HCCS: variants seen among roughly 807,000 people sequenced by gnomAD.
The protein encoded by HCCS is holocytochrome c-type synthase.
In HCCS, 2 loss-of-function variants were observed where a neutral mutation model predicts 24.2. The observed-to-expected ratio is 0.08, with a 90% CI of 0.03 to 0.26. The LOEUF (loss-of-function observed/expected upper bound fraction) is 0.26, where lower values mean the gene tolerates loss of function less well. Ranked by LOEUF, HCCS falls within the 10% of genes least tolerant of loss-of-function variation. HCCS has a pLI of 1.00. For synonymous variants in HCCS, 73 were observed against 76.2 expected (o/e 0.96, Z 0.22); for missense variants, 150 against 213.3 (o/e 0.70, Z 1.85).
At chrX:11,115,542 T>G (rs901334486) in intron 3 of HCCS, among the ~76,000 whole-genome samples, 5 of 111,794 alleles carry the variant, frequency 4.5e-5, no homozygotes, top group Admixed American at 1.9e-4. Flanking sequence ...AACGGGAGGC[T>G]CAGGCATATA....
chrX:11,120,685 A>G (rs1260836264), intron 5 of HCCS, among the ~76,000 whole-genome samples: 1 of 107,191 alleles, frequency 9.3e-6, no homozygotes, highest in East Asian at 2.9e-4. Context: ...TCCAGAAGGA[A>G]GGGGAGGCAA....
Position 11,114,837 on chromosome X carries a change from T to C in HCCS, c.103T>C (p.Cys35Arg), listed in dbSNP as rs773157949. Residue 35 changes from cysteine (C) to arginine (R), a missense_variant and splice_region_variant, in exon 3 of 7, where the codon TGT (cysteine) becomes CGT (arginine). By Grantham distance (180) the Cys-to-Arg change is radical. Around this residue, in one of 2 missense-constraint regions of HCCS, gnomAD observed 95 missense variants for 79.1 expected, o/e 1.20. Coordinates refer to ENST00000380762, the MANE Select transcript of HCCS (RefSeq NM_005333.5). ...CPMHEGKMKGCPVNTEPSGPT... is the reference protein window; with the variant it reads ...CPMHEGKMKGRPVNTEPSGPT... Reference sequence around the variant, plus strand: ...ATTTTTATACTTGATTATTTCAGGCTGTCCAGTGAATACAGAGCCATCTGG... The same window carrying C: ...ATTTTTATACTTGATTATTTCAGGCCGTCCAGTGAATACAGAGCCATCTGG... 2.6e-5 allele frequency: 31 copies of C among 1,207,355 alleles called. 1 individual carries two copies. In the South Asian group the frequency reaches 4.9e-4, roughly 19 times the overall value.
intron 1 of HCCS, 22 bp from the exon 2 acceptor site, chrX:11,111,997 A>G: frequency 1.2e-6 from 1 of 800,966 alleles, no homozygotes; most frequent in Admixed American, 2.2e-5. Context: ...AGAGACATTA[A>G]TCTGTCTCTT....
chrX:11,111,642 A>G, intron 1 of HCCS, 124 bp downstream of exon 1: 1 of 176,157 alleles, frequency 5.7e-6, no homozygotes, highest in Non-Finnish European at 1.1e-5. Context: ...CCCCTCGCTA[A>G]GGCTCTGGGG....
chrX:11,117,981 T>C (rs1187766139), intron 4 of HCCS, among the ~76,000 whole-genome samples: 1 of 111,822 alleles, frequency 8.9e-6, no homozygotes, highest in East Asian at 2.8e-4. Flanking sequence ...CTTAGCCTAC[T>C]GATTAGAATG....
rs1308912204 is a variant in HCCS at position 11,122,108 on chromosome X, C to T, written c.*298C>T. On this transcript the variant is annotated 3_prime_UTR_variant, in exon 7 of 7. Coordinates refer to ENST00000380762, the MANE Select transcript of HCCS (RefSeq NM_005333.5). ...TTTCATCTCGAAAAGCCTGAACAAC[C>T]TCTGAAAAAGAGCTTTTAAAAAGTG... The T allele has an allele frequency of 1.2e-5, 3 of 258,597 alleles. No homozygotes were observed. Among genetic ancestry groups the T allele is most frequent in the Admixed American group, 6.1e-5 (1 of 16,272 alleles). The allele number at this position is 258,597 out of a possible 1,213,427, so 21.3% of individuals were successfully genotyped here.
intron 6 of HCCS, 125 bp downstream of exon 6, chrX:11,121,118 A>T: frequency 1.7e-6 from 1 of 577,278 alleles, no homozygotes; most frequent in African/African-American, 2.2e-5. Context: ...TCAACTGTAG[A>T]TGTCTTTCTC....
At chrX:11,118,764 C>A in intron 5 of HCCS, 144 bp downstream of exon 5, 1 of 631,700 alleles carries the variant, frequency 1.6e-6, no homozygotes. Flanking sequence ...GCATGACAGG[C>A]CACCCTTCTT....
At chrX:11,120,094 T>A (rs2045479760) in intron 5 of HCCS, 1 of 275,897 alleles carries the variant, frequency 3.6e-6, no homozygotes, top group African/African-American at 2.8e-5. Flanking sequence ...AGAAGTCCTT[T>A]ATACTTTGGA....
chrX:11,122,106 A>G lies in HCCS; in HGVS notation c.*296A>G. 2 of 257,035 alleles carry G rather than the reference A, an allele frequency of 7.8e-6. No homozygotes were observed. The highest frequency in any genetic ancestry group is 1.4e-5 in the Non-Finnish European group (2 of 145,502). 21.2% of individuals were successfully genotyped at this position (257,035 alleles called of 1,213,427 possible). On this transcript the variant is annotated 3_prime_UTR_variant, in exon 7 of 7. Coordinates refer to ENST00000380762, the MANE Select transcript of HCCS (RefSeq NM_005333.5). ...TATTTCATCTCGAAAAGCCTGAACA[A>G]CCTCTGAAAAAGAGCTTTTAAAAAG...
chrX:11,112,189 A>G (rs1234803638), intron 2 of HCCS, 29 bp downstream of exon 2: 1 of 1,092,302 alleles, frequency 9.2e-7, no homozygotes, highest in East Asian at 3.0e-5. Flanking sequence ...AGAAAATAAA[A>G]ACAAAAGATA....
At chrX:11,119,372 G>C (rs896467100) in intron 5 of HCCS, among the ~76,000 whole-genome samples, 4 of 111,711 alleles carry the variant, frequency 3.6e-5, no homozygotes, top group African/African-American at 1.3e-4. Flanking sequence ...AGTCTGTTGA[G>C]AGTAGTGGTT....
chrX:11,120,800 T>C (rs2045485748), intron 5 of HCCS, 107 bp from the exon 6 acceptor site: 2 of 626,934 alleles, frequency 3.2e-6, no homozygotes, highest in African/African-American at 4.3e-5. Context: ...TTATATTATG[T>C]GAAATGTATA....
Position 11,121,843 on chromosome X carries a change from T to C in HCCS, c.*33T>C, listed in dbSNP as rs2147254171. 1 of 1,113,737 alleles carries C rather than the reference T, an allele frequency of 9.0e-7. No individual in the cohort carries two copies. Among genetic ancestry groups the C allele is most frequent in the African/African-American group, 1.8e-5 (1 of 55,546 alleles). 91.8% of individuals were successfully genotyped at this position (1,113,737 alleles called of 1,213,427 possible). A position where few individuals can be genotyped will look rare whatever the true frequency, so the allele number is the denominator to read the frequency against. On this transcript the variant is annotated 3_prime_UTR_variant, in exon 7 of 7. Coordinates refer to ENST00000380762, the MANE Select transcript of HCCS (RefSeq NM_005333.5). The stretch of plus-strand genomic sequence containing the variant: ...TTTCAGATGGAAAAATATAAACTAT[T>C]TTTTTCTGAGCGATACATTAAACTA...
chrX:11,122,047 C>T lies in HCCS; in HGVS notation c.*237C>T. 2 of 386,466 alleles carry T rather than the reference C, an allele frequency of 5.2e-6. No homozygotes were observed. The highest frequency in any genetic ancestry group is 8.5e-5 in the South Asian group (2 of 23,456). The allele number at this position is 386,466 out of a possible 1,213,427, so 31.8% of individuals were successfully genotyped here. ...ACTTAGCTTAAGTGGGAAGCAGTCT[C>T]TCAGTTTTTCCTTTACCTGCAGTAT... is the stretch of plus-strand genomic sequence containing the variant. On this transcript the variant is annotated 3_prime_UTR_variant, in exon 7 of 7. Transcript: ENST00000380762.
At chrX:11,120,806 G>A (rs2045485829) in intron 5 of HCCS, 101 bp from the exon 6 acceptor site, 1 of 651,514 alleles carries the variant, frequency 1.5e-6, no homozygotes, top group African/African-American at 2.2e-5. Context: ...TATGTGAAAT[G>A]TATACAGGAA....
intron 3 of HCCS, among the ~76,000 whole-genome samples, chrX:11,116,499 A>G (rs2045449238): frequency 8.9e-6 from 1 of 112,551 alleles, no homozygotes; most frequent in Non-Finnish European, 1.9e-5. Flanking sequence ...TGTGATGGAG[A>G]CTTTTAATTA....
At chrX:11,116,830 G>A (rs779928932) in intron 3 of HCCS, among the ~76,000 whole-genome samples, 2 of 112,687 alleles carry the variant, frequency 1.8e-5, no homozygotes, top group African/African-American at 6.4e-5. Flanking sequence ...AGCATAAGCA[G>A]AAACCTAAAA....
At chrX:11,113,336 G>A (rs2045426176) in intron 2 of HCCS, among the ~76,000 whole-genome samples, 1 of 112,432 alleles carries the variant, frequency 8.9e-6, no homozygotes, top group South Asian at 3.7e-4. Flanking sequence ...ACAAAATGGA[G>A]CTTTGCCTGA....
Sources: allele counts gnomAD v4.1 joint callset (sites outside exome capture counted in the v4.1 genomes callset), GRCh38; gene constraint gnomAD v4.1.1; regional missense constraint gnomAD v4.1.1; transcripts MANE v1.5; gene names NCBI Gene and HGNC (gene_info 2026-07-23, HGNC 2026-07-21).